Variants in ASIP observed in about 807,000 individuals in gnomAD.
ASIP encodes agouti signaling protein, also known as agouti-signaling protein.
ASIP carries 11 observed loss-of-function variants against 10.3 expected under a neutral mutation model. That is an observed-to-expected ratio of 1.07 (90% confidence interval 0.68 to 1.78). The LOEUF is 1.78. Among genes scored for constraint, ASIP ranks in the 40% most tolerant of loss-of-function variants. The pLI is 0.00. For missense variants in ASIP, 180 were observed against 169.2 expected (o/e 1.06, Z -0.35); for synonymous variants, 70 against 70.8 (o/e 0.99, Z 0.06).
chr20:34,267,837 C>A (rs1425349191), intron 3 of ASIP, among the ~76,000 whole-genome samples: 3 of 126,260 alleles, frequency 2.4e-5, no homozygotes, highest in Middle Eastern at 3.6e-3. Flanking sequence ...AGTTGATAAC[C>A]ATATTTAAAA....
upstream of ASIP, among the ~76,000 whole-genome samples, chr20:34,238,119 G>C (rs988819784): frequency 1.3e-5 from 2 of 152,130 alleles, no homozygotes; most frequent in Non-Finnish European, 2.9e-5. Flanking sequence ...CCGTATCTTT[G>C]TGTGGATCTC....
intron 1 of ASIP, among the ~76,000 whole-genome samples, chr20:34,252,905 A>G (rs1419519612): frequency 6.6e-6 from 1 of 152,206 alleles, no homozygotes; most frequent in African/African-American, 2.4e-5. Context: ...AAACATGTTA[A>G]CAAGGCACAT....
At chr20:34,218,725 C>T (rs1007884158) in intron 1 of ASIP, among the ~76,000 whole-genome samples, 3 of 151,776 alleles carry the variant, frequency 2.0e-5, no homozygotes, top group Non-Finnish European at 2.9e-5. Flanking sequence ...TGCAGTGGCA[C>T]GATGTCTGCT....
intron 3 of ASIP, among the ~76,000 whole-genome samples, chr20:34,263,561 AAAC>A (rs1198824580): frequency 4.6e-5 from 7 of 152,222 alleles, no homozygotes; most frequent in Non-Finnish European, 5.9e-5. Flanking sequence ...CTCTGTCTCA[AAAC>A]AACAACAACA....
intron 1 of ASIP, among the ~76,000 whole-genome samples, chr20:34,247,356 A>G (rs577362753): frequency 1.1e-4 from 16 of 146,654 alleles, no homozygotes; most frequent in Admixed American, 2.1e-4. Flanking sequence ...GCTGGAGTGC[A>G]ATGGTGTGAT....
At chr20:34,213,572 A>T in intron 1 of ASIP, 1 of 1,548,282 alleles carries the variant, frequency 6.5e-7, no homozygotes, top group East Asian at 2.2e-5. Flanking sequence ...AGGGGCATGA[A>T]CATCTGTTGT....
chr20:34,259,340 C>A (rs1270659159), intron 1 of ASIP, among the ~76,000 whole-genome samples: 1 of 151,926 alleles, frequency 6.6e-6, no homozygotes, highest in Non-Finnish European at 1.5e-5. Context: ...TGGTGAAATC[C>A]CGTCTTTACT....
intron 1 of ASIP, among the ~76,000 whole-genome samples, chr20:34,235,844 G>A (rs6119475): frequency 0.26 from 6,247 of 24,442 alleles, 544 homozygotes; most frequent in Middle Eastern, 0.31. Context: ...AAAGAAAGAA[G>A]GAAGGAAGGA....
intron 3 of ASIP, 126 bp downstream of exon 3, chr20:34,263,019 C>A: frequency 9.1e-7 from 1 of 1,097,566 alleles, no homozygotes; most frequent in Non-Finnish European, 1.3e-6. Flanking sequence ...ACAAAAGAAA[C>A]TGAAAGCTAC....
chr20:34,195,895 CA>C (rs1287278256), intron 1 of ASIP, among the ~76,000 whole-genome samples: 1 of 152,080 alleles, frequency 6.6e-6, no homozygotes, highest in African/African-American at 2.4e-5. Flanking sequence ...CCATAACCCC[CA>C]TATATTGTAA....
At chr20:34,204,844 G>T (rs1479767807) in intron 1 of ASIP, among the ~76,000 whole-genome samples, 1 of 152,020 alleles carries the variant, frequency 6.6e-6, no homozygotes, top group Admixed American at 6.5e-5. Context: ...TATTTTTATG[G>T]ATAGGTAATA....
intron 1 of ASIP, among the ~76,000 whole-genome samples, chr20:34,250,519 C>T (rs1568763791): frequency 6.6e-6 from 1 of 151,996 alleles, no homozygotes. Context: ...TTAAAAAGGC[C>T]GAGCACGGTG....
intron 2 of ASIP, among the ~76,000 whole-genome samples, chr20:34,261,615 CAG>C (rs1367750684): frequency 4.6e-5 from 7 of 151,924 alleles, no homozygotes; most frequent in Non-Finnish European, 8.8e-5. Flanking sequence ...GCCTGAGTGA[CAG>C]AGTGAGATCC....
intron 1 of ASIP, among the ~76,000 whole-genome samples, chr20:34,223,426 G>A (rs1301571148): frequency 6.0e-5 from 9 of 149,382 alleles, no homozygotes; most frequent in East Asian, 2.0e-4. Context: ...GAGCCTCTCC[G>A]CCCGGCAGCC....
intron 1 of ASIP, among the ~76,000 whole-genome samples, chr20:34,235,300 C>T (rs1364512143): frequency 1.3e-5 from 2 of 152,118 alleles, no homozygotes; most frequent in Admixed American, 1.3e-4. Context: ...ATTAGCCAGG[C>T]GAGGTGGCAG....
At chr20:34,200,112 C>G (rs371111743) in intron 1 of ASIP, among the ~76,000 whole-genome samples, 1 of 152,146 alleles carries the variant, frequency 6.6e-6, no homozygotes, top group African/African-American at 2.4e-5. Context: ...TCATTTGGAT[C>G]ACATTTATAC....
At chr20:34,253,345 A>T (rs924043635) in intron 1 of ASIP, among the ~76,000 whole-genome samples, 4 of 151,764 alleles carry the variant, frequency 2.6e-5, no homozygotes, top group Admixed American at 2.0e-4. Flanking sequence ...TGACCTCATG[A>T]TCCGCCTGCC....
At chr20:34,261,294 T>C (rs1489965661) in intron 2 of ASIP, among the ~76,000 whole-genome samples, 1 of 151,164 alleles carries the variant, frequency 6.6e-6, no homozygotes, top group Non-Finnish European at 1.5e-5. Flanking sequence ...AGCCTAGGAG[T>C]TCAAGACCAG....
At chr20:34,268,942 G>A (rs2035838128) in intron 3 of ASIP, 49 bp from the exon 4 acceptor site, 2 of 1,557,888 alleles carry the variant, frequency 1.3e-6, no homozygotes, top group Non-Finnish European at 1.7e-6. Flanking sequence ...GGTGAGGACC[G>A]GAGGGGTGGG....
Sources: allele counts gnomAD v4.1 joint callset (sites outside exome capture counted in the v4.1 genomes callset), GRCh38; gene constraint gnomAD v4.1.1; transcripts MANE v1.5; gene names NCBI Gene and HGNC (gene_info 2026-07-23, HGNC 2026-07-21).